MTOR: variants seen among roughly 807,000 people sequenced by gnomAD.
The protein encoded by MTOR is mechanistic target of rapamycin kinase, also known as serine/threonine-protein kinase mTOR.
In MTOR, 70 loss-of-function variants were observed where a neutral mutation model predicts 319.8. The ratio of observed to expected loss-of-function variants is 0.22; its 90% CI spans 0.18 to 0.27. The LOEUF is 0.27. Among genes scored for constraint, MTOR ranks in the 10% least tolerant of loss-of-function variants. MTOR has a pLI of 1.00. For synonymous variants in MTOR, 1,183 were observed against 1,211.4 expected, an observed-to-expected ratio of 0.98 and a Z score of 0.49; for missense variants, 1,890 against 3,274.4, an observed-to-expected ratio of 0.58 and a Z score of 10.32.
rs750429294 is a variant in MTOR, at chr1:11,241,533, C to G, written c.1541+20G>C. On this transcript the variant is annotated intron_variant, in intron 10 of 57. Coordinates refer to ENST00000361445, the MANE Select transcript of MTOR (RefSeq NM_004958.4). ...AAGCCTCACGCTGATACAGGGCAAGCTCAGGTTTCTGACACCCACCTTAGT... is the reference window on the plus strand; with the variant it reads ...AAGCCTCACGCTGATACAGGGCAAGGTCAGGTTTCTGACACCCACCTTAGT... 5.0e-6 allele frequency: 8 copies of G among 1,602,030 alleles called. No homozygotes were observed. Among genetic ancestry groups the G allele is most frequent in the Non-Finnish European group, 6.8e-6 (8 of 1,172,424 alleles).
intron 18 of MTOR, among the ~76,000 whole-genome samples, chr1:11,229,185 GCT>G (rs1345773779): frequency 5.3e-5 from 8 of 152,110 alleles, no homozygotes; most frequent in Admixed American, 2.6e-4. Flanking sequence ...TCTCTAAATT[GCT>G]CTGTTTAATT....
At chr1:11,253,336 T>A (rs1367128596) in intron 6 of MTOR, among the ~76,000 whole-genome samples, 2 of 152,202 alleles carry the variant, frequency 1.3e-5, no homozygotes, top group Non-Finnish European at 2.9e-5. Flanking sequence ...TCAGTGATTG[T>A]TAGAAACGCA....
chr1:11,237,645 G>A (rs1476303034), intron 13 of MTOR, among the ~76,000 whole-genome samples, 198 bp downstream of exon 13: 1 of 152,120 alleles, frequency 6.6e-6, no homozygotes. Flanking sequence ...TATTGACAAA[G>A]GGCTCATGAG....
chr1:11,108,712 CA>C (rs758531091), intron 56 of MTOR, among the ~76,000 whole-genome samples: 1,038 of 49,578 alleles, frequency 0.021, 10 homozygotes, highest in African/African-American at 0.058. Flanking sequence ...GACCCTGTCT[CA>C]AAAAAAAAAA....
In MTOR at chr1:11,248,109, A is replaced by G; in HGVS notation, c.841-15T>C. ...TCTCTCAGACGCTATATATATGAGGAGGAAAAAAATCATCTTTACTTATGA... is the reference window on the plus strand; with the variant it reads ...TCTCTCAGACGCTATATATATGAGGGGGAAAAAAATCATCTTTACTTATGA... On this transcript the variant is annotated splice_polypyrimidine_tract_variant and intron_variant, in intron 6 of 57. Transcript: ENST00000361445. 6.4e-7 allele frequency: 1 copy of G among 1,563,614 alleles called. No individual in the cohort carries two copies. The highest frequency in any genetic ancestry group is 8.7e-7 in the Non-Finnish European group (1 of 1,151,930).
chr1:11,235,709 C>T (rs938250809), intron 13 of MTOR, among the ~76,000 whole-genome samples: 36 of 152,246 alleles, frequency 2.4e-4, no homozygotes, highest in Middle Eastern at 3.4e-3. Flanking sequence ...GCCAGCCGGG[C>T]GAGGTGGCTC....
At chr1:11,232,700 C>T (rs1450781201) in intron 15 of MTOR, among the ~76,000 whole-genome samples, 172 bp from the exon 16 acceptor site, 1 of 151,992 alleles carries the variant, frequency 6.6e-6, no homozygotes, top group Non-Finnish European at 1.5e-5. Context: ...CATGGTAAAA[C>T]CCCATCTCTA....
chr1:11,244,729 GATT>G (rs1488597913), intron 8 of MTOR, among the ~76,000 whole-genome samples: 1 of 152,226 alleles, frequency 6.6e-6, no homozygotes, highest in African/African-American at 2.4e-5. Flanking sequence ...GGTCCCATAA[GATT>G]ATAATACAGT....
chr1:11,194,672 G>T (rs1350860121), intron 28 of MTOR: 3 of 1,614,000 alleles, frequency 1.9e-6, no homozygotes. Context: ...GAGATTTGGG[G>T]GGACCGGAAA....
chr1:11,116,176 A>G (rs1358004023), intron 50 of MTOR, among the ~76,000 whole-genome samples: 1 of 152,200 alleles, frequency 6.6e-6, no homozygotes, highest in Admixed American at 6.6e-5. Context: ...CAGTCAGTAC[A>G]CTTGGACAAA....
At chr1:11,177,511 T>A (rs1645027812) in intron 28 of MTOR, among the ~76,000 whole-genome samples, 1 of 152,130 alleles carries the variant, frequency 6.6e-6, no homozygotes, top group African/African-American at 2.4e-5. Flanking sequence ...TGGGCTACAA[T>A]CGCACCACTG....
In MTOR at chr1:11,129,918, G is replaced by C; in HGVS notation, c.5614-80C>G. On this transcript the variant is annotated intron_variant, in intron 39 of 57. Transcript: ENST00000361445. The surrounding 1 kb of genome is among the most constrained non-coding windows in gnomAD (Gnocchi z 4.7). The stretch of plus-strand genomic sequence containing the variant: ...AAATGGGCATAAGAGCATACTAACT[G>C]TACCTACTTCAAAGGGTGGTTATAA... The C allele has an allele frequency of 8.3e-7, 1 of 1,197,638 alleles. No homozygotes were observed. The highest frequency in any genetic ancestry group is 1.2e-6 in the Non-Finnish European group (1 of 814,932). 74.2% of individuals were successfully genotyped at this position (1,197,638 alleles called of 1,614,324 possible). A position where few individuals can be genotyped will look rare whatever the true frequency, so the allele number is the denominator to read the frequency against.
At chr1:11,124,724 T>C in intron 46 of MTOR, 91 bp from the exon 47 acceptor site, 3 of 1,383,664 alleles carry the variant, frequency 2.2e-6, no homozygotes, top group South Asian at 3.1e-5. Flanking sequence ...TCCCACAGAC[T>C]ACATATGCCT....
chr1:11,204,955 C>T (rs1557841002), intron 25 of MTOR, among the ~76,000 whole-genome samples: 2 of 152,184 alleles, frequency 1.3e-5, no homozygotes, highest in African/African-American at 4.8e-5. Context: ...AGGAGCACTA[C>T]AGAACCAGAA....
At chr1:11,143,978 T>C (rs1304715381) in intron 34 of MTOR, 1 of 152,176 alleles carries the variant, frequency 6.6e-6, no homozygotes, top group East Asian at 1.9e-4. Flanking sequence ...CATGTTAAAA[T>C]GATCAGAATG....
chr1:11,115,615 G>C lies in MTOR; in HGVS notation c.7017-147C>G. The stretch of plus-strand genomic sequence containing the variant: ...CTCCACCTCCACTTCTGCAAGTCCA[G>C]TTTTACTGGAACACACAGCACGCTC... On this transcript the variant is annotated intron_variant, in intron 50 of 57. Transcript: ENST00000361445. This position sits in a 1 kb window ranked among gnomAD's most constrained non-coding sequence, Gnocchi z 4.5. 1 of 694,344 alleles carries C rather than the reference G, an allele frequency of 1.4e-6. No individual in the cohort carries two copies. Among genetic ancestry groups the C allele is most frequent in the Admixed American group, 2.2e-5 (1 of 46,040 alleles). 43.0% of individuals were successfully genotyped at this position (694,344 alleles called of 1,614,324 possible).
chr1:11,204,409 G>A (rs1646073429), intron 26 of MTOR, 152 bp downstream of exon 26: 2 of 1,074,316 alleles, frequency 1.9e-6, no homozygotes, highest in Admixed American at 2.7e-5. Flanking sequence ...TACAGTATGA[G>A]CTTGTTGAAT....
At chr1:11,156,239 C>T (rs1644315419) in intron 30 of MTOR, among the ~76,000 whole-genome samples, 1 of 152,248 alleles carries the variant, frequency 6.6e-6, no homozygotes, top group Non-Finnish European at 1.5e-5. Flanking sequence ...ATCTGCCTGC[C>T]TTGGCCTCCC....
chr1:11,248,132 T>A (rs1360228893), intron 6 of MTOR, 38 bp from the exon 7 acceptor site: 1 of 1,539,532 alleles, frequency 6.5e-7, no homozygotes, highest in Non-Finnish European at 8.8e-7. Flanking sequence ...TCTTTACTTA[T>A]GACTGGCATT....
Sources: gnomAD v4.1 joint callset for allele counts (sites outside exome capture counted in the v4.1 genomes callset) on GRCh38, gnomAD v4.1.1 for gene constraint, Gnocchi (gnomAD v3.1) non-coding constraint, MANE v1.5 for transcripts, NCBI Gene and HGNC (gene_info 2026-07-23, HGNC 2026-07-21) for gene names.